Variants in TTC39C observed in about 807,000 individuals in gnomAD.
The protein encoded by TTC39C is tetratricopeptide repeat protein 39C.
In TTC39C, 33 loss-of-function variants were observed where a neutral mutation model predicts 76.3. That is an observed-to-expected ratio of 0.43 (90% confidence interval 0.33 to 0.58). TTC39C has a LOEUF of 0.58. TTC39C is among the 20% of genes least tolerant of loss of function. The pLI, the probability that TTC39C is intolerant of heterozygous loss-of-function variation, is 0.04. For synonymous variants in TTC39C, 254 were observed against 260.6 expected (o/e 0.97, Z 0.24); for missense variants, 595 against 701.4 (o/e 0.85, Z 1.71).
At chr18:24,082,237 G>T (rs1055074338) in intron 5 of TTC39C, among the ~76,000 whole-genome samples, 6 of 151,798 alleles carry the variant, frequency 4.0e-5, no homozygotes, top group African/African-American at 1.5e-4. Context: ...TTTGGAGCAA[G>T]GGAGTCTGAA....
At chr18:24,132,131 T>C (rs1324991950) in intron 13 of TTC39C, among the ~76,000 whole-genome samples, 2 of 152,242 alleles carry the variant, frequency 1.3e-5, no homozygotes, top group African/African-American at 4.8e-5. Context: ...TTCATCCTGC[T>C]TTAGAAACAC....
chr18:24,044,813 A>G (rs1373386226), intron 1 of TTC39C, among the ~76,000 whole-genome samples: 1 of 152,198 alleles, frequency 6.6e-6, no homozygotes, highest in Non-Finnish European at 1.5e-5. Flanking sequence ...TGTTTTCGGA[A>G]AGATTTATGT....
intron 1 of TTC39C, among the ~76,000 whole-genome samples, chr18:24,035,064 C>G (rs79217666): frequency 0.022 from 3,253 of 151,166 alleles, 88 homozygotes; most frequent in African/African-American, 0.066. Flanking sequence ...TTTAAAGAGA[C>G]AGAATCTGGT....
chr18:24,014,439 G>C (rs1463831438), upstream of TTC39C: 1 of 155,004 alleles, frequency 6.5e-6, no homozygotes, highest in East Asian at 1.9e-4. Context: ...GCGTGTGTCC[G>C]AGCAGTCCTG....
At chr18:24,067,084 G>T (rs1423161829) in intron 3 of TTC39C, among the ~76,000 whole-genome samples, 2 of 152,156 alleles carry the variant, frequency 1.3e-5, no homozygotes, top group African/African-American at 4.8e-5. Flanking sequence ...TGACATATTG[G>T]CAAAAATCCT....
Position 24,134,257 on chromosome 18 carries a change from GTTTTTTGTTTTTTTTTTTTT to G in TTC39C, c.*1690_*1709del, listed in dbSNP as rs1196122607. On this transcript the variant is annotated 3_prime_UTR_variant, in exon 14 of 14. Coordinates refer to ENST00000317571, the MANE Select transcript of TTC39C (RefSeq NM_001135993.2). ...TGGTGCCCAAAAATATTGGACATCT[GTTTTTTGTTTTTTTTTTTTT>G]TTTTTTTTTTTTTTGAGACGGAGTC... 3 of 48,724 alleles carry G rather than the reference GTTTTTTGTTTTTTTTTTTTT, an allele frequency of 6.2e-5. No homozygotes were observed. Among genetic ancestry groups the G allele is most frequent in the South Asian group, 6.8e-4 (1 of 1,478 alleles). 3.0% of individuals were successfully genotyped at this position (48,724 alleles called of 1,614,324 possible). A position where few individuals can be genotyped will look rare whatever the true frequency, so the allele number is the denominator to read the frequency against.
chr18:24,116,226 C>G (rs2084889469), intron 7 of TTC39C, among the ~76,000 whole-genome samples: 1 of 152,222 alleles, frequency 6.6e-6, no homozygotes, highest in Non-Finnish European at 1.5e-5. Flanking sequence ...CAATCTTTCT[C>G]CGCTATCTAT....
At chr18:24,099,997 TGAGA>T (rs1224058597) in intron 6 of TTC39C, among the ~76,000 whole-genome samples, 1 of 152,148 alleles carries the variant, frequency 6.6e-6, no homozygotes, top group African/African-American at 2.4e-5. Context: ...ATATTGGTTT[TGAGA>T]GAGAGAGATT....
intron 6 of TTC39C, among the ~76,000 whole-genome samples, chr18:24,097,552 A>T (rs1047792729): frequency 6.6e-6 from 1 of 152,236 alleles, no homozygotes. Flanking sequence ...AGCTGAACCA[A>T]TTGAGATGTC....
upstream of TTC39C, among the ~76,000 whole-genome samples, chr18:24,013,665 A>G (rs1480783885): frequency 6.6e-6 from 1 of 152,360 alleles, no homozygotes; most frequent in East Asian, 1.9e-4. Context: ...AGGTTGTCCA[A>G]TTTGGCATTA....
intron 1 of TTC39C, among the ~76,000 whole-genome samples, chr18:24,006,012 AAT>A (rs1461812782): frequency 2.7e-5 from 2 of 75,112 alleles, no homozygotes; most frequent in African/African-American, 7.8e-5. Flanking sequence ...TATCCTACAG[AAT>A]ATTTTTTTTT....
At chr18:24,121,778 T>C (rs1021641216) in intron 8 of TTC39C, among the ~76,000 whole-genome samples, 8 of 152,204 alleles carry the variant, frequency 5.3e-5, no homozygotes, top group Admixed American at 3.9e-4. Context: ...AGAAATATAT[T>C]CTTTTTCATT....
intron 1 of TTC39C, among the ~76,000 whole-genome samples, chr18:23,996,502 G>A (rs551832831): frequency 6.6e-6 from 1 of 152,358 alleles, no homozygotes; most frequent in South Asian, 2.1e-4. Flanking sequence ...CAGGTTGTTT[G>A]CATATACTCA....
chr18:24,032,338 C>G (rs367675208), intron 1 of TTC39C, among the ~76,000 whole-genome samples: 23 of 152,240 alleles, frequency 1.5e-4, no homozygotes, highest in Admixed American at 1.5e-3. Context: ...CAGGATTTAT[C>G]TGGCATAGCT....
intron 1 of TTC39C, among the ~76,000 whole-genome samples, chr18:24,024,010 A>ATTTT (rs1568409146): frequency 1.7e-3 from 11 of 6,530 alleles, no homozygotes; most frequent in African/African-American, 3.2e-3. Context: ...ATATATATAT[A>ATTTT]TATATATTTT....
chr18:24,131,980 T>G (rs566627405), intron 13 of TTC39C, 60 bp downstream of exon 13: 1 of 1,472,280 alleles, frequency 6.8e-7, no homozygotes, highest in African/African-American at 1.4e-5. Context: ...ACTGTATACC[T>G]GAGTCTGAAT....
intron 1 of TTC39C, among the ~76,000 whole-genome samples, chr18:24,024,405 T>C (rs1259052022): frequency 6.6e-6 from 1 of 151,696 alleles, no homozygotes; most frequent in Admixed American, 6.6e-5. Flanking sequence ...ATGAAGAAAT[T>C]TGGATTTAGG....
chr18:24,008,228 T>C lies in TTC39C; in HGVS notation c.-17+15190T>C, dbSNP rs1336857849. 3.9e-5 allele frequency among the ~76,000 whole-genome samples: 6 copies of C among 152,206 alleles called. No individual in the cohort carries two copies. The South Asian group carries it at 8.3e-4, about 21-fold the overall frequency. ...AACACCTACTGCATGCTCTCGAATG[T>C]CCGAGGGAATCTGACTACACTTTAA... On this transcript the variant is annotated intron_variant, in intron 1 of 13. Transcript: ENST00000304621.
chr18:24,090,829 CAG>C (rs2084508170), intron 6 of TTC39C, among the ~76,000 whole-genome samples: 1 of 99,054 alleles, frequency 1.0e-5, no homozygotes, highest in African/African-American at 4.1e-5. Flanking sequence ...TTTTTGGAGA[CAG>C]AGTCTTGCTC....
Sources: allele counts gnomAD v4.1 joint callset (sites outside exome capture counted in the v4.1 genomes callset), GRCh38; gene constraint gnomAD v4.1.1; transcripts MANE v1.5; gene names NCBI Gene and HGNC (gene_info 2026-07-23, HGNC 2026-07-21).